The following FGD6 variants were observed in gnomAD, a reference collection of about 807,000 sequenced individuals.
FGD6 encodes FYVE, RhoGEF and PH domain-containing protein 6.
FGD6 carries 90 observed loss-of-function variants against 149.4 expected under a neutral mutation model. The observed-to-expected ratio is 0.60, with a 90% CI of 0.51 to 0.72. The LOEUF is 0.72. FGD6 is among the 30% of genes least tolerant of loss of function. The probability of loss-of-function intolerance (pLI) is 0.00; values close to 1 mark genes in which losing one functional copy is unlikely to be tolerated. For synonymous variants in FGD6, 527 were observed against 584.0 expected, an observed-to-expected ratio of 0.90 and a Z score of 1.41; for missense variants, 1,437 against 1,684.8, an observed-to-expected ratio of 0.85 and a Z score of 2.57.
In FGD6 at chr12:95,084,822, C is replaced by T. The variant is rs574796087; in HGVS notation, c.4108-176G>A. Among the ~76,000 whole-genome samples the T allele has an allele frequency of 3.3e-5, 5 of 152,372 alleles. No individual in the cohort carries two copies. The South Asian group carries it at 1.0e-3, about 32-fold the overall frequency. On this transcript the variant is annotated intron_variant, in intron 19 of 20. Transcript: ENST00000343958. ...TCAATAATATTCATTGAGCCACTCC[C>T]TCCCTAGGTACCCTATATGCCAGGC...
intron 14 of FGD6, among the ~76,000 whole-genome samples, chr12:95,102,756 G>C (rs1215623324): frequency 6.6e-6 from 1 of 152,116 alleles, no homozygotes; most frequent in Admixed American, 6.6e-5. Context: ...CATTTGGTTT[G>C]AGTCCTTGAC....
intron 2 of FGD6, among the ~76,000 whole-genome samples, chr12:95,179,582 T>C (rs756634908): frequency 1.2e-4 from 19 of 152,128 alleles, no homozygotes; most frequent in Non-Finnish European, 2.1e-4. Context: ...AAGACAACTC[T>C]GAAAATTGTT....
chr12:95,131,249 T>C (rs1879512794), intron 8 of FGD6, among the ~76,000 whole-genome samples: 1 of 151,788 alleles, frequency 6.6e-6, no homozygotes. Flanking sequence ...GCTGGGATTA[T>C]GGGCATGTGC....
intron 2 of FGD6, among the ~76,000 whole-genome samples, chr12:95,197,572 C>A (rs1036817558): frequency 1.3e-5 from 2 of 152,162 alleles, no homozygotes; most frequent in African/African-American, 2.4e-5. Context: ...TCATTTAAAT[C>A]TATTTTTTCC....
chr12:95,129,879 G>A (rs1879467905), intron 8 of FGD6, among the ~76,000 whole-genome samples: 1 of 151,860 alleles, frequency 6.6e-6, no homozygotes, highest in African/African-American at 2.4e-5. Flanking sequence ...TCACCATGTC[G>A]GCCAGGCTGG....
Position 95,210,536 on chromosome 12 carries a change from A to G in FGD6, c.748T>C (p.Cys250Arg), listed in dbSNP as rs2056720664. Residue 250 changes from cysteine to arginine, a missense_variant, in exon 2 of 21, where the codon TGT becomes CGT. Cys to Arg is a radical substitution (Grantham distance 180). Transcript: ENST00000343958. Reference sequence around the variant, plus strand: ...TCCTGGCAAGTTTCAAAATGTTCACATTCATCACTAGGAAGCTGTAAGTGG... The same window carrying G: ...TCCTGGCAAGTTTCAAAATGTTCACGTTCATCACTAGGAAGCTGTAAGTGG... The part of the protein sequence containing the change: ...SCHLQLPSDE[C>R]EHFETCQDDS... 1 of 1,613,970 alleles carries G rather than the reference A, an allele frequency of 6.2e-7. No individual in the cohort carries two copies. Among genetic ancestry groups the G allele is most frequent in the African/African-American group, 1.3e-5 (1 of 74,928 alleles).
intron 2 of FGD6, among the ~76,000 whole-genome samples, chr12:95,173,407 ATAAG>A (rs530103465): frequency 8.5e-5 from 13 of 152,234 alleles, no homozygotes; most frequent in Admixed American, 2.6e-4. Context: ...CTAGCAAATA[ATAAG>A]TAAGCTTGTT....
At chr12:95,199,109 G>A (rs566590109) in intron 2 of FGD6, among the ~76,000 whole-genome samples, 2 of 152,188 alleles carry the variant, frequency 1.3e-5, no homozygotes, top group East Asian at 1.9e-4. Context: ...GATCACTTTC[G>A]TCTTCTAAAT....
At chr12:95,104,227 AAGTC>A (rs1302899826) in intron 14 of FGD6, among the ~76,000 whole-genome samples, 2 of 152,102 alleles carry the variant, frequency 1.3e-5, no homozygotes, top group Non-Finnish European at 2.9e-5. Context: ...GAAGAACAAA[AAGTC>A]AGTAGCTAAC....
At chr12:95,110,816 C>G (rs184840789) in intron 9 of FGD6, among the ~76,000 whole-genome samples, 1 of 152,262 alleles carries the variant, frequency 6.6e-6, no homozygotes, top group African/African-American at 2.4e-5. Flanking sequence ...TACTTGGTCA[C>G]CTGGTCTCCC....
chr12:95,085,533 A>T, intron 19 of FGD6: 1 of 489,530 alleles, frequency 2.0e-6, no homozygotes, highest in Non-Finnish European at 3.5e-6. Context: ...AGTAATTAGT[A>T]GTCACACGAC....
chr12:95,212,392 C>A (rs1288830820), intron 1 of FGD6, among the ~76,000 whole-genome samples: 1 of 152,164 alleles, frequency 6.6e-6, no homozygotes, highest in East Asian at 1.9e-4. Flanking sequence ...TTAACTAACA[C>A]CTATTATACA....
At chr12:95,089,513 T>G in intron 18 of FGD6, 56 bp downstream of exon 18, 2 of 1,579,078 alleles carry the variant, frequency 1.3e-6, no homozygotes, top group South Asian at 1.2e-5. Flanking sequence ...CGGTGTATTA[T>G]ATGCATATGA....
intron 2 of FGD6, among the ~76,000 whole-genome samples, chr12:95,202,734 C>A (rs1486208249): frequency 6.6e-6 from 1 of 152,084 alleles, no homozygotes; most frequent in Non-Finnish European, 1.5e-5. Context: ...AGCTTTATTG[C>A]CAAGAAAGAA....
At chr12:95,190,680 G>A (rs1881563216) in intron 2 of FGD6, among the ~76,000 whole-genome samples, 1 of 152,060 alleles carries the variant, frequency 6.6e-6, no homozygotes, top group Non-Finnish European at 1.5e-5. Context: ...TTGAAATCCT[G>A]AACTATATGG....
chr12:95,136,831 G>C (rs542679259), intron 7 of FGD6, among the ~76,000 whole-genome samples: 1 of 152,180 alleles, frequency 6.6e-6, no homozygotes, highest in African/African-American at 2.4e-5. Context: ...AATGCCTATA[G>C]AGCTTCAGTT....
At chr12:95,197,764 T>A (rs1881768899) in intron 2 of FGD6, among the ~76,000 whole-genome samples, 1 of 152,132 alleles carries the variant, frequency 6.6e-6, no homozygotes. Flanking sequence ...CTCATGTAAA[T>A]CAGTGGGGAA....
rs1357072923 is a variant in FGD6, at chr12:95,077,715, A to C, written c.*3805T>G. The stretch of plus-strand genomic sequence containing the variant: ...GAACCAGGGCCTATGTAATAACAGC[A>C]GGGCAATGAGGATGGAAAGGATACT... On this transcript the variant is annotated 3_prime_UTR_variant, in exon 21 of 21. Transcript: ENST00000343958. The C allele has an allele frequency of 6.6e-6, 1 of 152,274 alleles. No homozygotes were observed. The highest frequency in any genetic ancestry group is 2.4e-5 in the African/African-American group (1 of 41,478). The allele number at this position is 152,274 out of a possible 1,614,324, so 9.4% of individuals were successfully genotyped here. A position where few individuals can be genotyped will look rare whatever the true frequency, so the allele number is the denominator to read the frequency against.
chr12:95,088,991 A>G (rs1376815590), intron 18 of FGD6, among the ~76,000 whole-genome samples: 1 of 152,234 alleles, frequency 6.6e-6, no homozygotes, highest in Non-Finnish European at 1.5e-5. Context: ...ACTGATCATA[A>G]CGGAGTAGCC....
Sources: allele counts gnomAD v4.1 joint callset (sites outside exome capture counted in the v4.1 genomes callset), GRCh38; gene constraint gnomAD v4.1.1; transcripts MANE v1.5; gene names NCBI Gene and HGNC (gene_info 2026-07-23, HGNC 2026-07-21).